ASPRV1: variants seen among roughly 807,000 people sequenced by gnomAD.
ASPRV1 encodes retroviral-like aspartic protease 1.
Under a neutral mutation model 11.0 loss-of-function variants are expected in ASPRV1, and 7 were observed. The ratio of observed to expected loss-of-function variants is 0.64; its 90% CI spans 0.36 to 1.20. The LOEUF (loss-of-function observed/expected upper bound fraction) is 1.20, where lower values mean the gene tolerates loss of function less well. Among genes scored for constraint, ASPRV1 ranks in the 50% most tolerant of loss-of-function variants. The pLI is 0.02. For synonymous variants in ASPRV1, 136 were observed against 138.4 expected, an observed-to-expected ratio of 0.98 and a Z score of 0.12; for missense variants, 299 against 320.0, an observed-to-expected ratio of 0.93 and a Z score of 0.50.
chr2:70,024,395 C>A, the ASPRV1 span, among the ~76,000 whole-genome samples: 1 of 152,138 alleles, frequency 6.6e-6, no homozygotes, highest in Non-Finnish European at 1.5e-5. Flanking sequence ...ATGGCTCTTG[C>A]CAGCCTGGGC....
At chr2:69,935,559 C>T in the ASPRV1 span, 1 of 806,662 alleles carries the variant, frequency 1.2e-6, no homozygotes, top group South Asian at 1.5e-5. Flanking sequence ...CCCCTGAACT[C>T]CTCCAGTCTA....
the ASPRV1 span, among the ~76,000 whole-genome samples, chr2:70,075,561 G>A: frequency 0.093 from 14,150 of 152,048 alleles, 1,409 homozygotes; most frequent in African/African-American, 0.24. Flanking sequence ...AATTCTCAAC[G>A]TGTGGCCAGG....
the ASPRV1 span, among the ~76,000 whole-genome samples, chr2:70,064,697 G>T: frequency 6.6e-6 from 1 of 152,082 alleles, no homozygotes; most frequent in African/African-American, 2.4e-5. Context: ...AGGCCAAAAG[G>T]GCCTAATAGG....
the ASPRV1 span, among the ~76,000 whole-genome samples, chr2:69,949,556 G>A: frequency 6.6e-6 from 1 of 152,184 alleles, no homozygotes; most frequent in East Asian, 1.9e-4. Context: ...ATTTGGTTGA[G>A]AACAAGCTGC....
At chr2:69,941,920 T>C in the ASPRV1 span, 5 of 152,250 alleles carry the variant, frequency 3.3e-5, no homozygotes, top group South Asian at 4.1e-4. Flanking sequence ...CATACTGTAT[T>C]GGCGAGAATA....
downstream of ASPRV1, among the ~76,000 whole-genome samples, chr2:69,958,985 C>T (rs1255891198): frequency 6.6e-6 from 1 of 152,134 alleles, no homozygotes; most frequent in African/African-American, 2.4e-5. Context: ...GAAGGGGCCT[C>T]GGTAAACCCC....
At chr2:70,080,198 G>A in the ASPRV1 span, among the ~76,000 whole-genome samples, 1 of 149,834 alleles carries the variant, frequency 6.7e-6, no homozygotes, top group Non-Finnish European at 1.5e-5. Context: ...TCAGAAGTTA[G>A]AGAGAAAGGA....
At chr2:70,049,053 T>G in the ASPRV1 span, 1 of 151,882 alleles carries the variant, frequency 6.6e-6, no homozygotes, top group South Asian at 2.1e-4. Context: ...TTATTATTAT[T>G]ATACTTTAAG....
At chr2:70,068,946 CAAAAAAAAA>C in the ASPRV1 span, among the ~76,000 whole-genome samples, 3 of 59,084 alleles carry the variant, frequency 5.1e-5, no homozygotes, top group South Asian at 6.2e-4. Flanking sequence ...ACTCTTGTCT[CAAAAAAAAA>C]AAAAAAAAAA....
At chr2:69,937,576 A>G in the ASPRV1 span, among the ~76,000 whole-genome samples, 1 of 152,242 alleles carries the variant, frequency 6.6e-6, no homozygotes, top group Admixed American at 6.5e-5. Flanking sequence ...TTAGGTGACA[A>G]CCCCAGAAGA....
the ASPRV1 span, among the ~76,000 whole-genome samples, chr2:70,079,740 A>G: frequency 6.6e-6 from 1 of 152,226 alleles, no homozygotes; most frequent in Admixed American, 6.5e-5. Flanking sequence ...GACTCTACAT[A>G]CATTTTCTAA....
the ASPRV1 span, among the ~76,000 whole-genome samples, chr2:70,022,330 TA>T: frequency 6.9e-6 from 1 of 145,534 alleles, no homozygotes; most frequent in Non-Finnish European, 1.5e-5. Flanking sequence ...CATGTTGTCT[TA>T]AGTGTTCTTA....
At chr2:70,002,247 T>C in the ASPRV1 span, among the ~76,000 whole-genome samples, 1 of 152,204 alleles carries the variant, frequency 6.6e-6, no homozygotes, top group African/African-American at 2.4e-5. Context: ...TGAGCATTGA[T>C]ACCCTTTGTA....
chr2:70,075,411 C>T, the ASPRV1 span: 1 of 150,662 alleles, frequency 6.6e-6, no homozygotes, highest in Admixed American at 6.6e-5. Flanking sequence ...TAAATCCCTG[C>T]TCTACTACTT....
the ASPRV1 span, among the ~76,000 whole-genome samples, chr2:70,071,110 C>T: frequency 1.3e-5 from 2 of 152,164 alleles, no homozygotes; most frequent in African/African-American, 4.8e-5. Context: ...GCAGCCTGAC[C>T]TCCTAATGAT....
At chr2:70,084,988 C>G in the ASPRV1 span, among the ~76,000 whole-genome samples, 1 of 152,202 alleles carries the variant, frequency 6.6e-6, no homozygotes, top group South Asian at 2.1e-4. Flanking sequence ...CACACACAAT[C>G]AGAGCCCTGC....
At chr2:70,057,541 T>C in the ASPRV1 span, among the ~76,000 whole-genome samples, 1 of 151,826 alleles carries the variant, frequency 6.6e-6, no homozygotes, top group African/African-American at 2.4e-5. Context: ...TGCAGTGGTG[T>C]GATCTCGGCT....
the ASPRV1 span, among the ~76,000 whole-genome samples, chr2:69,997,736 T>C: frequency 1.3e-5 from 2 of 152,174 alleles, no homozygotes; most frequent in Admixed American, 1.3e-4. Context: ...TGGGGAGGCA[T>C]TTAAAATCTA....
the ASPRV1 span, among the ~76,000 whole-genome samples, chr2:70,065,390 CAAAAAAA>C: frequency 9.5e-5 from 5 of 52,726 alleles, no homozygotes; most frequent in African/African-American, 1.3e-4. Flanking sequence ...GACACCATCT[CAAAAAAA>C]AAAAAAAAAA....
Sources: allele counts gnomAD v4.1 joint callset (sites outside exome capture counted in the v4.1 genomes callset), GRCh38; gene constraint gnomAD v4.1.1; transcripts MANE v1.5; gene names NCBI Gene and HGNC (gene_info 2026-07-23, HGNC 2026-07-21).